Variants in FBXL17 observed in about 807,000 individuals in gnomAD.
The protein encoded by FBXL17 is F-box and leucine rich repeat protein 17, also known as F-box/LRR-repeat protein 17.
FBXL17 carries 22 observed loss-of-function variants against 66.2 expected under a neutral mutation model. That is an observed-to-expected ratio of 0.33 (90% CI 0.24 to 0.47). The LOEUF (loss-of-function observed/expected upper bound fraction) is 0.47, where lower values mean the gene tolerates loss of function less well. FBXL17 is among the 20% of genes least tolerant of loss of function. FBXL17 has a pLI of 1.00. For missense variants in FBXL17, 878 were observed against 948.2 expected (o/e 0.93, Z 0.97); for synonymous variants, 474 against 400.5 (o/e 1.18, Z -2.19).
chr5:108,307,470 C>T (rs1162856477), intron 4 of FBXL17, among the ~76,000 whole-genome samples: 2 of 151,834 alleles, frequency 1.3e-5, no homozygotes, highest in Admixed American at 6.6e-5. Flanking sequence ...CCATAGCCAC[C>T]TAATTTTTTA....
At chr5:107,954,652 A>G (rs1751602213) in intron 7 of FBXL17, among the ~76,000 whole-genome samples, 1 of 152,244 alleles carries the variant, frequency 6.6e-6, no homozygotes, top group Non-Finnish European at 1.5e-5. Context: ...ATACCATGGC[A>G]TATTCATGAG....
chr5:108,164,250 T>C (rs1752327939), intron 6 of FBXL17, among the ~76,000 whole-genome samples: 2 of 152,196 alleles, frequency 1.3e-5, no homozygotes, highest in South Asian at 4.1e-4. Flanking sequence ...AGGACTGTGG[T>C]GCACCAAGTG....
intron 7 of FBXL17, among the ~76,000 whole-genome samples, chr5:107,999,838 G>C (rs1753645511): frequency 6.6e-6 from 1 of 152,202 alleles, no homozygotes; most frequent in Non-Finnish European, 1.5e-5. Flanking sequence ...TGGTGCTTAA[G>C]TGTGATCTAT....
intron 4 of FBXL17, among the ~76,000 whole-genome samples, chr5:108,285,368 G>T (rs183283773): frequency 1.3e-4 from 19 of 151,898 alleles, no homozygotes; most frequent in African/African-American, 4.6e-4. Flanking sequence ...ATCCTTTCCA[G>T]GTTTTCAATT....
At chr5:108,042,310 T>G (rs1432993151) in intron 6 of FBXL17, among the ~76,000 whole-genome samples, 1 of 152,182 alleles carries the variant, frequency 6.6e-6, no homozygotes, top group Non-Finnish European at 1.5e-5. Context: ...AAAATTATAG[T>G]AGAATATCAC....
chr5:107,999,109 T>C (rs1753604206), intron 7 of FBXL17, among the ~76,000 whole-genome samples: 1 of 152,208 alleles, frequency 6.6e-6, no homozygotes, highest in South Asian at 2.1e-4. Context: ...TTTCCAGGTA[T>C]CTGGTAGATG....
chr5:107,953,402 C>CAAAA lies in FBXL17; in HGVS notation c.1822+67519_1822+67522dup, dbSNP rs1166788701. Among the ~76,000 whole-genome samples, 36 of 50,576 alleles carry CAAAA rather than the reference C, an allele frequency of 7.1e-4. 2 individuals carry two copies. Among genetic ancestry groups the CAAAA allele is most frequent in the African/African-American group, 2.0e-3 (26 of 13,134 alleles). The allele number at this position is 50,576 out of a possible 152,430, so 33.2% of individuals were successfully genotyped here. ...TGGACGACAGAGTGAGACTCTCTCT[C>CAAAA]AAAAAAAAAAAAAAAAAAAAAAGGC... On this transcript the variant is annotated intron_variant, in intron 7 of 8. Coordinates refer to ENST00000542267, the MANE Select transcript of FBXL17 (RefSeq NM_001163315.3).
At chr5:108,268,061 G>T (rs918872182) in intron 4 of FBXL17, among the ~76,000 whole-genome samples, 1 of 151,906 alleles carries the variant, frequency 6.6e-6, no homozygotes, top group African/African-American at 2.4e-5. Flanking sequence ...GTGTGTCCTG[G>T]ACATGTCCCA....
chr5:108,230,809 G>A (rs541543460), intron 4 of FBXL17, among the ~76,000 whole-genome samples: 11 of 151,452 alleles, frequency 7.3e-5, no homozygotes, highest in East Asian at 5.8e-4. Flanking sequence ...GTTGGGGGGC[G>A]CGAGGGATAA....
At chr5:108,298,139 C>G in intron 4 of FBXL17, 11 of 971,632 alleles carry the variant, frequency 1.1e-5, no homozygotes, top group Non-Finnish European at 1.2e-5. Flanking sequence ...ATTTGTTTTT[C>G]TTTTTAGGGA....
At chr5:108,070,697 C>A (rs1748295177) in intron 6 of FBXL17, among the ~76,000 whole-genome samples, 4 of 152,170 alleles carry the variant, frequency 2.6e-5, no homozygotes, top group African/African-American at 9.7e-5. Flanking sequence ...TAAAAATACA[C>A]AGTTTGCTTT....
chr5:108,261,503 T>C (rs570681255), intron 4 of FBXL17, among the ~76,000 whole-genome samples: 2 of 152,130 alleles, frequency 1.3e-5, no homozygotes, highest in African/African-American at 2.4e-5. Context: ...ATTTTTTAAG[T>C]ATTGAAGAAA....
intron 1 of FBXL17, among the ~76,000 whole-genome samples, chr5:108,369,239 T>G (rs1013327712): frequency 6.6e-6 from 1 of 152,232 alleles, no homozygotes; most frequent in African/African-American, 2.4e-5. Flanking sequence ...GAAAGGCTGA[T>G]AAAAGACCCA....
In FBXL17 at chr5:108,381,011, ACCG is replaced by A. The variant is rs906102490; in HGVS notation, c.678_680del (p.Gly231del). The A allele has an allele frequency of 3.0e-3, 3,370 of 1,121,746 alleles. No homozygotes were observed. Among genetic ancestry groups the A allele is most frequent in the East Asian group, 7.6e-3 (202 of 26,686 alleles). 69.5% of individuals were successfully genotyped at this position (1,121,746 alleles called of 1,614,324 possible). A position where few individuals can be genotyped will look rare whatever the true frequency, so the allele number is the denominator to read the frequency against. The stretch of plus-strand genomic sequence containing the variant: ...CTCCCCCCGCAGGCCCTCCCCCGCC[ACCG>A]CCGCCGCCGCCGCCGCCGCAGCCCC... On this transcript the variant is annotated inframe_deletion, in exon 1 of 9. Transcript: ENST00000542267.
At chr5:108,265,828 G>A (rs1757023189) in intron 4 of FBXL17, among the ~76,000 whole-genome samples, 2 of 152,150 alleles carry the variant, frequency 1.3e-5, no homozygotes, top group African/African-American at 4.8e-5. Context: ...GTCTGGGGTA[G>A]AACCTGAGTT....
chr5:108,310,138 C>T (rs758965734), intron 4 of FBXL17, among the ~76,000 whole-genome samples: 3 of 152,086 alleles, frequency 2.0e-5, no homozygotes, highest in Non-Finnish European at 4.4e-5. Flanking sequence ...TCCTAAGCAT[C>T]ACCAGGATTT....
intron 5 of FBXL17, among the ~76,000 whole-genome samples, chr5:108,195,662 T>C (rs1753650755): frequency 6.6e-6 from 1 of 152,126 alleles, no homozygotes; most frequent in African/African-American, 2.4e-5. Flanking sequence ...AGAACATAGA[T>C]CCAAGGGTGG....
At position 107,971,088 on chromosome 5, in the gene FBXL17, T is replaced by C. The variant is rs145877812; in HGVS notation, c.1822+49837A>G. ...AAGTCACAAATTTATTCCAAAAGGATTGATATATGAGGGAACAATTTGAGC... is the reference window on the plus strand; with the variant it reads ...AAGTCACAAATTTATTCCAAAAGGACTGATATATGAGGGAACAATTTGAGC... On this transcript the variant is annotated intron_variant, in intron 7 of 8. Transcript: ENST00000542267. Among the ~76,000 whole-genome samples, 1,512 of 152,248 alleles carry C rather than the reference T, an allele frequency of 9.9e-3. 22 individuals are homozygous for C. Among genetic ancestry groups the C allele is most frequent in the African/African-American group, 0.035 (1,437 of 41,532 alleles).
At chr5:108,024,992 T>G (rs1381861074) in intron 6 of FBXL17, among the ~76,000 whole-genome samples, 1 of 152,174 alleles carries the variant, frequency 6.6e-6, no homozygotes, top group Non-Finnish European at 1.5e-5. Context: ...TCAAAGGAAT[T>G]CAAAAGAGCC....
Sources: allele counts gnomAD v4.1 joint callset (sites outside exome capture counted in the v4.1 genomes callset), GRCh38; gene constraint gnomAD v4.1.1; transcripts MANE v1.5; gene names NCBI Gene and HGNC (gene_info 2026-07-23, HGNC 2026-07-21).